Variants in MPPED2 observed in about 807,000 individuals in gnomAD.
MPPED2 encodes metallophosphoesterase domain containing 2, also known as metallophosphoesterase MPPED2.
A neutral mutation model predicts 33.0 loss-of-function variants in MPPED2; 5 were observed. That is an observed-to-expected ratio of 0.15 (90% CI 0.08 to 0.32). MPPED2 has a LOEUF of 0.32. Ranked by LOEUF, MPPED2 falls within the 10% of genes least tolerant of loss-of-function variation. The probability of loss-of-function intolerance (pLI) is 1.00; values close to 1 mark genes in which losing one functional copy is unlikely to be tolerated. For missense variants in MPPED2, 275 were observed against 372.1 expected (o/e 0.74, Z 2.15); for synonymous variants, 136 against 141.9 (o/e 0.96, Z 0.29).
chr11:30,428,916 A>G (rs895743391), intron 4 of MPPED2: 2 of 152,168 alleles, frequency 1.3e-5, no homozygotes, highest in Non-Finnish European at 2.9e-5. Context: ...TCCCTAACTT[A>G]TCTTCTCCAT....
intron 4 of MPPED2, among the ~76,000 whole-genome samples, chr11:30,430,537 T>C (rs1949032003): frequency 6.6e-6 from 1 of 152,222 alleles, no homozygotes. Flanking sequence ...CGGAAAATGC[T>C]GTCACAGGCC....
chr11:30,546,743 T>G (rs148565880), intron 2 of MPPED2, among the ~76,000 whole-genome samples: 1 of 152,332 alleles, frequency 6.6e-6, no homozygotes, highest in African/African-American at 2.4e-5. Context: ...TTTTACTACA[T>G]AGGGGACATC....
rs1957098171 is a variant in MPPED2, at chr11:30,580,122, C to T, written c.128+124G>A. 3.2e-6 allele frequency: 3 copies of T among 923,598 alleles called. No individual in the cohort carries two copies. The East Asian group carries it at 7.7e-5, about 24-fold the overall frequency. The allele number at this position is 923,598 out of a possible 1,614,324, so 57.2% of individuals were successfully genotyped here. A position where few individuals can be genotyped will look rare whatever the true frequency, so the allele number is the denominator to read the frequency against. ...GAGCTGTATTTGAAACCACAGATAT[C>T]CATCTGATTTGTAAATCATTTACCT... is the stretch of plus-strand genomic sequence containing the variant. On this transcript the variant is annotated intron_variant, in intron 2 of 6. Transcript: ENST00000358117.
At chr11:30,418,250 G>A (rs574220907) in intron 4 of MPPED2, among the ~76,000 whole-genome samples, 81 of 152,284 alleles carry the variant, frequency 5.3e-4, no homozygotes, top group Non-Finnish European at 9.4e-4. Flanking sequence ...CTTTTCTTCT[G>A]CCACCAAAGG....
chr11:30,566,182 C>A (rs555682841), intron 2 of MPPED2, among the ~76,000 whole-genome samples: 10 of 152,200 alleles, frequency 6.6e-5, no homozygotes, highest in African/African-American at 2.4e-4. Context: ...GGTAAGTGGG[C>A]TGAAATATAT....
intron 4 of MPPED2, among the ~76,000 whole-genome samples, chr11:30,457,648 A>G (rs1950336255): frequency 6.6e-6 from 1 of 152,248 alleles, no homozygotes; most frequent in African/African-American, 2.4e-5. Context: ...GATAAGGCTC[A>G]GAGAGGTAAG....
At chr11:30,576,163 T>C (rs1956920979) in intron 2 of MPPED2, among the ~76,000 whole-genome samples, 1 of 152,172 alleles carries the variant, frequency 6.6e-6, no homozygotes, top group Non-Finnish European at 1.5e-5. Flanking sequence ...GCATTACTTT[T>C]ATGGTCCGGA....
intron 2 of MPPED2, among the ~76,000 whole-genome samples, chr11:30,577,213 T>C (rs1379233215): frequency 6.6e-6 from 1 of 152,200 alleles, no homozygotes; most frequent in Non-Finnish European, 1.5e-5. Context: ...AGAAAATTTG[T>C]TAGTCACAAA....
At chr11:30,534,565 C>A (rs2134472145) in intron 3 of MPPED2, among the ~76,000 whole-genome samples, 1 of 152,214 alleles carries the variant, frequency 6.6e-6, no homozygotes, top group South Asian at 2.1e-4. Flanking sequence ...AATATAAATG[C>A]TCCAACATCC....
At chr11:30,418,574 A>G (rs1268095867) in intron 4 of MPPED2, among the ~76,000 whole-genome samples, 1 of 152,212 alleles carries the variant, frequency 6.6e-6, no homozygotes, top group Non-Finnish European at 1.5e-5. Context: ...AGTATTCTTT[A>G]AAACTGTTCT....
chr11:30,386,250 C>G (rs1947701019), exon 7 of MPPED2: 1 of 152,600 alleles, frequency 6.6e-6, no homozygotes, highest in African/African-American at 2.4e-5. Flanking sequence ...TGCTAATAAC[C>G]AAGACAATGG....
chr11:30,556,141 G>A (rs964416395), intron 2 of MPPED2, among the ~76,000 whole-genome samples: 12 of 152,082 alleles, frequency 7.9e-5, no homozygotes, highest in Admixed American at 3.3e-4. Context: ...TGGAAAGTCC[G>A]GGAACTAATA....
intron 6 of MPPED2, among the ~76,000 whole-genome samples, chr11:30,394,741 A>C (rs1222982032): frequency 6.6e-6 from 1 of 152,186 alleles, no homozygotes; most frequent in Non-Finnish European, 1.5e-5. Flanking sequence ...TCACAGAGCA[A>C]GTTTTAAATT....
chr11:30,458,239 A>C (rs1202326234), intron 4 of MPPED2, among the ~76,000 whole-genome samples: 1 of 152,246 alleles, frequency 6.6e-6, no homozygotes, highest in Non-Finnish European at 1.5e-5. Flanking sequence ...GAAGGAAATC[A>C]TAAGATGCTA....
At chr11:30,472,361 G>GAATAATAATAAT (rs35857172) in intron 4 of MPPED2, among the ~76,000 whole-genome samples, 72 of 150,848 alleles carry the variant, frequency 4.8e-4, no homozygotes, top group African/African-American at 1.7e-3. Context: ...GGCCTGTCTC[G>GAATAATAATAAT]AATAATAATA....
chr11:30,513,670 C>T (rs537116814), intron 3 of MPPED2, among the ~76,000 whole-genome samples: 1 of 152,262 alleles, frequency 6.6e-6, no homozygotes, highest in Admixed American at 6.5e-5. Context: ...AACCTGTAAT[C>T]TTCTCTTCTG....
chr11:30,386,687 A>T (rs1947706451), exon 7 of MPPED2: 1 of 398,480 alleles, frequency 2.5e-6, no homozygotes, highest in African/African-American at 2.1e-5. Context: ...AACTCAAATC[A>T]GATGAACTTC....
At chr11:30,445,277 CA>C (rs1159433201) in intron 4 of MPPED2, among the ~76,000 whole-genome samples, 1 of 152,134 alleles carries the variant, frequency 6.6e-6, no homozygotes, top group African/African-American at 2.4e-5. Flanking sequence ...AAATGGAAAA[CA>C]AGGCTCAAAG....
chr11:30,418,926 A>G (rs1203988437), intron 4 of MPPED2, among the ~76,000 whole-genome samples: 1 of 152,220 alleles, frequency 6.6e-6, no homozygotes, highest in Non-Finnish European at 1.5e-5. Flanking sequence ...AATCTGTGGC[A>G]TACGTGCAAA....
Sources: allele counts gnomAD v4.1 joint callset (sites outside exome capture counted in the v4.1 genomes callset), GRCh38; gene constraint gnomAD v4.1.1; transcripts MANE v1.5; gene names NCBI Gene and HGNC (gene_info 2026-07-23, HGNC 2026-07-21).